The following NBAS variants were observed in gnomAD, a reference collection of about 807,000 sequenced individuals.
NBAS encodes NBAS subunit of NRZ tethering complex, also known as NAG/BC035112 fusion.
Under a neutral mutation model 302.5 loss-of-function variants are expected in NBAS, and 219 were observed. That is an observed-to-expected ratio of 0.72 (90% CI 0.65 to 0.81). The LOEUF (loss-of-function observed/expected upper bound fraction) is 0.81. NBAS is among the 30% of genes least tolerant of loss of function. NBAS has a pLI of 0.00. For synonymous variants in NBAS, 1,118 were observed against 1,021.6 expected, an observed-to-expected ratio of 1.09 and a Z score of -1.80; for missense variants, 2,932 against 2,841.6, an observed-to-expected ratio of 1.03 and a Z score of -0.72.
intron 19 of NBAS, among the ~76,000 whole-genome samples, chr2:15,463,179 T>C (rs1002734494): frequency 6.6e-6 from 1 of 152,160 alleles, no homozygotes; most frequent in South Asian, 2.1e-4. Flanking sequence ...GAGACTGAGA[T>C]GGGAGGACAG....
the NBAS span, among the ~76,000 whole-genome samples, chr2:14,843,295 A>G: frequency 2.0e-5 from 3 of 152,156 alleles, no homozygotes; most frequent in African/African-American, 7.2e-5. Context: ...TTTATTCTAT[A>G]TAATACTGGA....
At chr2:15,392,916 A>G (rs1675680190) in intron 28 of NBAS, among the ~76,000 whole-genome samples, 1 of 152,086 alleles carries the variant, frequency 6.6e-6, no homozygotes, top group African/African-American at 2.4e-5. Context: ...AGAAAGATAA[A>G]TAAATGGATC....
chr2:15,072,501 A>AT, the NBAS span, among the ~76,000 whole-genome samples: 3,043 of 152,256 alleles, frequency 0.02, 105 homozygotes, highest in African/African-American at 0.07. Flanking sequence ...TTTTAAAAAA[A>AT]TTTTATCTAG....
intron 16 of NBAS, among the ~76,000 whole-genome samples, chr2:15,469,506 C>A (rs1299999460): frequency 6.6e-6 from 1 of 152,042 alleles, no homozygotes; most frequent in Admixed American, 6.6e-5. Flanking sequence ...CAAAGGATTA[C>A]AAATCTTCCT....
At chr2:15,492,110 C>T (rs555838507) in intron 11 of NBAS, among the ~76,000 whole-genome samples, 2 of 152,294 alleles carry the variant, frequency 1.3e-5, no homozygotes, top group East Asian at 3.9e-4. Context: ...TTTTCACTTA[C>T]ACACAAAAGT....
At chr2:15,304,412 T>A (rs1020221437) in intron 40 of NBAS, among the ~76,000 whole-genome samples, 2 of 152,128 alleles carry the variant, frequency 1.3e-5, no homozygotes, top group Non-Finnish European at 2.9e-5. Context: ...TACAGCAGTA[T>A]AAAAACAGAC....
chr2:14,898,356 A>G, the NBAS span, among the ~76,000 whole-genome samples: 1 of 152,242 alleles, frequency 6.6e-6, no homozygotes. Flanking sequence ...TCAATTTCCC[A>G]TGGCTAGTCA....
chr2:15,445,135 C>A (rs1180769462), intron 21 of NBAS, among the ~76,000 whole-genome samples: 43 of 151,486 alleles, frequency 2.8e-4, no homozygotes, highest in South Asian at 8.4e-4. Flanking sequence ...TACCATTTGA[C>A]CCAGCCATCC....
At chr2:15,204,560 C>T (rs1373007939) in intron 48 of NBAS, among the ~76,000 whole-genome samples, 9 of 152,092 alleles carry the variant, frequency 5.9e-5, no homozygotes, top group African/African-American at 1.7e-4. Context: ...CACATGCACA[C>T]GTATGTTTTT....
chr2:15,408,606 CT>C (rs1249186351), intron 25 of NBAS, among the ~76,000 whole-genome samples: 1 of 152,034 alleles, frequency 6.6e-6, no homozygotes, highest in Non-Finnish European at 1.5e-5. Context: ...TTTAAAAAGT[CT>C]TTTTTACATT....
chr2:14,831,264 TACA>T, the NBAS span, among the ~76,000 whole-genome samples: 1 of 152,164 alleles, frequency 6.6e-6, no homozygotes, highest in Non-Finnish European at 1.5e-5. Flanking sequence ...TTTGAAATTA[TACA>T]ACATTTGAAA....
chr2:15,468,442 C>G lies in NBAS; in HGVS notation c.1817G>C (p.Gly606Ala). 3 of 1,614,094 alleles carry G rather than the reference C, an allele frequency of 1.9e-6. No individual in the cohort carries two copies. The East Asian group carries it at 6.7e-5, about 36-fold the overall frequency. ...AGCCTCCAGGTCTGTGCCTTTTAAT[C>G]CATACTGAAGCAGTTCTTTTGCAGC... Reference protein sequence around the residue: ...VDAAKELLQYGLKGTDLEALL... With the variant: ...VDAAKELLQYALKGTDLEALL... The change falls in exon 17 of 52, where the codon GGA (glycine) becomes GCA (alanine). Residue 606 changes from glycine (G) to alanine (A), a missense_variant. By Grantham distance (60) the Gly-to-Ala change is moderately conservative. Transcript: ENST00000281513.
chr2:15,385,495 C>A (rs1675243864), intron 28 of NBAS, among the ~76,000 whole-genome samples: 1 of 91,212 alleles, frequency 1.1e-5, no homozygotes, highest in Admixed American at 1.1e-4. Context: ...TTACAATGGC[C>A]TTTTTAAGAA....
chr2:14,990,257 C>T, the NBAS span, among the ~76,000 whole-genome samples: 11,508 of 133,158 alleles, frequency 0.086, 1,298 homozygotes, highest in African/African-American at 0.26. Flanking sequence ...TACTAAAACT[C>T]CAAAAAAAAA....
In NBAS at chr2:15,200,985, T is replaced by G. The variant is rs547054571; in HGVS notation, c.6433-10582A>C. On this transcript the variant is annotated intron_variant, in intron 48 of 51. Coordinates refer to ENST00000281513, the MANE Select transcript of NBAS (RefSeq NM_015909.4). ...AGTTATTAATACATTTAAAAGTACT[T>G]TATAAATAGACAAGATTTACAAATA... Among the ~76,000 whole-genome samples, 4 of 152,350 alleles carry G rather than the reference T, an allele frequency of 2.6e-5. No individual in the cohort carries two copies. In the South Asian group the frequency reaches 8.3e-4, roughly 32 times the overall value.
intron 9 of NBAS, among the ~76,000 whole-genome samples, chr2:15,525,782 T>C (rs1662888033): frequency 6.6e-6 from 1 of 152,160 alleles, no homozygotes; most frequent in Non-Finnish European, 1.5e-5. Flanking sequence ...AATCAGATGT[T>C]GCTTATAAAA....
At chr2:15,157,943 T>C in the NBAS span, among the ~76,000 whole-genome samples, 1 of 152,168 alleles carries the variant, frequency 6.6e-6, no homozygotes, top group Non-Finnish European at 1.5e-5. Flanking sequence ...GTAAACTGTG[T>C]TTGCAGGAAC....
chr2:15,224,254 A>T lies in NBAS; in HGVS notation c.6237-5286T>A, dbSNP rs534984384. 8.5e-5 allele frequency among the ~76,000 whole-genome samples: 13 copies of T among 152,348 alleles called. No individual in the cohort carries two copies. The South Asian group carries it at 2.5e-3, about 29-fold the overall frequency. ...AGGGAAATGTCAAGCAAAGAAAGGA[A>T]ATTATTGAATCACAGCAAGAAGACA... On this transcript the variant is annotated intron_variant, in intron 47 of 51. Transcript: ENST00000281513.
chr2:15,222,490 G>T (rs1424972804), intron 47 of NBAS, among the ~76,000 whole-genome samples: 2 of 152,092 alleles, frequency 1.3e-5, no homozygotes, highest in Non-Finnish European at 2.9e-5. Context: ...CCCCAATATG[G>T]TGAATAACAA....
Sources: allele counts gnomAD v4.1 joint callset (sites outside exome capture counted in the v4.1 genomes callset), GRCh38; gene constraint gnomAD v4.1.1; transcripts MANE v1.5; gene names NCBI Gene and HGNC (gene_info 2026-07-23, HGNC 2026-07-21).